Variants in UVRAG observed in about 807,000 individuals in gnomAD.
The protein encoded by UVRAG is UV radiation resistance associated.
A neutral mutation model predicts 78.0 loss-of-function variants in UVRAG; 19 were observed. The observed-to-expected ratio is 0.24, with a 90% CI of 0.17 to 0.36. The LOEUF is 0.36. Ranked by LOEUF, UVRAG falls within the 10% of genes least tolerant of loss-of-function variation. The pLI is 1.00. For missense variants in UVRAG, 740 were observed against 853.8 expected (o/e 0.87, Z 1.66); for synonymous variants, 323 against 324.6 (o/e 1.00, Z 0.05).
intron 11 of UVRAG, among the ~76,000 whole-genome samples, chr11:76,015,623 TA>T (rs1950132772): frequency 6.6e-6 from 1 of 152,108 alleles, no homozygotes; most frequent in Non-Finnish European, 1.5e-5. Context: ...TATAAATAGT[TA>T]CCTATTTTTA....
intron 14 of UVRAG, chr11:76,137,333 C>T: frequency 2.2e-6 from 1 of 455,796 alleles, no homozygotes; most frequent in East Asian, 6.9e-5. Flanking sequence ...CTGCGTCCTA[C>T]AGAACAGACA....
intron 13 of UVRAG, among the ~76,000 whole-genome samples, chr11:76,086,232 A>G (rs1395554027): frequency 6.6e-6 from 1 of 152,122 alleles, no homozygotes; most frequent in East Asian, 1.9e-4. Context: ...AGTTTTTTCC[A>G]TCATGTATTC....
intron 6 of UVRAG, among the ~76,000 whole-genome samples, chr11:75,922,959 G>A (rs1479140253): frequency 1.4e-5 from 2 of 143,640 alleles, no homozygotes; most frequent in East Asian, 2.0e-4. Context: ...AAAGAAAAAC[G>A]AACATATATA....
intron 12 of UVRAG, 56 bp from the exon 13 acceptor site, chr11:76,065,654 G>T: frequency 1.3e-6 from 2 of 1,517,972 alleles, no homozygotes; most frequent in South Asian, 1.1e-5. Flanking sequence ...TTGACAACTT[G>T]GAGGTTGTAT....
intron 13 of UVRAG, among the ~76,000 whole-genome samples, chr11:76,099,518 G>A (rs1951843342): frequency 6.6e-6 from 1 of 152,086 alleles, no homozygotes; most frequent in Admixed American, 6.6e-5. Flanking sequence ...GATCCTATTT[G>A]TATGTTAAGT....
intron 11 of UVRAG, 40 bp downstream of exon 11, chr11:76,008,907 TA>T (rs1380261776): frequency 7.1e-6 from 8 of 1,120,782 alleles, no homozygotes; most frequent in Non-Finnish European, 1.0e-5. Context: ...TATATATTAA[TA>T]TATGGAAATA....
intron 5 of UVRAG, among the ~76,000 whole-genome samples, chr11:75,894,721 T>G (rs1375554408): frequency 6.8e-6 from 1 of 146,614 alleles, no homozygotes; most frequent in Non-Finnish European, 1.5e-5. Context: ...CCTAGCACTT[T>G]GGGAAGCTGA....
chr11:75,879,624 C>T (rs762936778), intron 3 of UVRAG, among the ~76,000 whole-genome samples: 13 of 152,140 alleles, frequency 8.5e-5, no homozygotes, highest in Non-Finnish European at 1.6e-4. Context: ...AATGAATTAC[C>T]GTATGAAACC....
rs553210065 is a variant in UVRAG at position 75,903,025 on chromosome 11, A to C, written c.508-8929A>C. On this transcript the variant is annotated intron_variant, in intron 5 of 14. Coordinates refer to ENST00000356136, the MANE Select transcript of UVRAG (RefSeq NM_003369.4). ...TCTCTCCATCAGCCCAAATTCAGTC[A>C]GTTGTATAGTACTTTGGGTTCTGTC... Among the ~76,000 whole-genome samples, 19 of 152,180 alleles carry C rather than the reference A, an allele frequency of 1.2e-4. No individual in the cohort carries two copies. In the East Asian group the frequency reaches 2.5e-3, roughly 20 times the overall value.
intron 1 of UVRAG, among the ~76,000 whole-genome samples, chr11:75,817,365 A>G: frequency 6.6e-6 from 1 of 152,198 alleles, no homozygotes; most frequent in East Asian, 1.9e-4. Context: ...CACTGGGAAA[A>G]CTAATGCAAA....
chr11:75,859,449 A>G (rs1946370394), intron 2 of UVRAG, among the ~76,000 whole-genome samples: 1 of 152,058 alleles, frequency 6.6e-6, no homozygotes, highest in African/African-American at 2.4e-5. Context: ...AATTTTATTA[A>G]TAAAATTTTA....
chr11:76,131,867 G>A (rs982925708), intron 14 of UVRAG, among the ~76,000 whole-genome samples: 1 of 152,192 alleles, frequency 6.6e-6, no homozygotes, highest in African/African-American at 2.4e-5. Flanking sequence ...CCTAAAGGAG[G>A]TTCTGAGCTC....
At chr11:76,082,349 G>A (rs542865495) in intron 13 of UVRAG, among the ~76,000 whole-genome samples, 26 of 151,840 alleles carry the variant, frequency 1.7e-4, no homozygotes, top group Non-Finnish European at 3.8e-4. Context: ...GACCATCCTG[G>A]CTAACACGGT....
chr11:75,915,829 T>G (rs1947838665), intron 6 of UVRAG, among the ~76,000 whole-genome samples: 1 of 152,156 alleles, frequency 6.6e-6, no homozygotes, highest in African/African-American at 2.4e-5. Context: ...TGAAAGATTA[T>G]AAAGAGAGGA....
intron 9 of UVRAG, among the ~76,000 whole-genome samples, chr11:76,005,779 G>T (rs762522290): frequency 5.3e-5 from 8 of 152,224 alleles, no homozygotes; most frequent in Non-Finnish European, 8.8e-5. Context: ...CGATTAATTT[G>T]CTAGAGCAGC....
At chr11:75,816,664 T>C (rs537143899) in intron 1 of UVRAG, among the ~76,000 whole-genome samples, 1 of 152,242 alleles carries the variant, frequency 6.6e-6, no homozygotes, top group African/African-American at 2.4e-5. Context: ...TGTCTGACTC[T>C]GCAGCCATGC....
rs186638597 is a variant in UVRAG, at chr11:76,126,432, T to A, written c.1397+10417T>A. Reference sequence around the variant, plus strand: ...ACTAAGCCTTCTAAATCCAGTTTACTCTTGTAGCACATCTCAAGTCAGACT... The same window carrying A: ...ACTAAGCCTTCTAAATCCAGTTTACACTTGTAGCACATCTCAAGTCAGACT... On this transcript the variant is annotated intron_variant, in intron 14 of 14. Transcript: ENST00000356136. Among the ~76,000 whole-genome samples the A allele has an allele frequency of 3.8e-3, 582 of 152,348 alleles. 9 individuals are homozygous for A. Among genetic ancestry groups the A allele is most frequent in the African/African-American group, 0.013 (538 of 41,574 alleles).
chr11:75,918,445 T>C (rs934693734), intron 6 of UVRAG, among the ~76,000 whole-genome samples: 1 of 151,980 alleles, frequency 6.6e-6, no homozygotes, highest in Non-Finnish European at 1.5e-5. Flanking sequence ...TGATATATCA[T>C]GTACAGGAGA....
chr11:76,094,425 A>G (rs987610170), intron 13 of UVRAG, among the ~76,000 whole-genome samples: 9 of 152,190 alleles, frequency 5.9e-5, no homozygotes, highest in Non-Finnish European at 1.2e-4. Context: ...ATAGTTTCAG[A>G]AGGAATGGTA....
Sources: allele counts gnomAD v4.1 joint callset (sites outside exome capture counted in the v4.1 genomes callset), GRCh38; gene constraint gnomAD v4.1.1; transcripts MANE v1.5; gene names NCBI Gene and HGNC (gene_info 2026-07-23, HGNC 2026-07-21).